The following MUCL3 variants were observed in gnomAD, a reference collection of about 807,000 sequenced individuals.
The protein encoded by MUCL3 is mucin like 3.
In MUCL3, 42 loss-of-function variants were observed where a neutral mutation model predicts 70.2. The observed-to-expected ratio is 0.60, with a 90% CI of 0.47 to 0.77. The LOEUF is 0.77. Ranked by LOEUF, MUCL3 falls within the 30% of genes least tolerant of loss-of-function variation. MUCL3 has a pLI of 0.00. For synonymous variants in MUCL3, 522 were observed against 647.0 expected, an observed-to-expected ratio of 0.81 and a Z score of 2.93; for missense variants, 1,429 against 1,670.0, an observed-to-expected ratio of 0.86 and a Z score of 2.52.
intron 1 of MUCL3, among the ~76,000 whole-genome samples, chr6:30,945,473 TA>T (rs11441516): frequency 1.5e-3 from 175 of 114,128 alleles, no homozygotes; most frequent in Admixed American, 2.0e-3. Context: ...CCCTGCGTCT[TA>T]AAAAAAAAAA....
In MUCL3 at chr6:30,948,511, G is replaced by A. The variant is rs1313398942; in HGVS notation, c.83-36G>A. 2.8e-6 allele frequency: 4 copies of A among 1,449,706 alleles called. No individual in the cohort carries two copies. In the African/African-American group the frequency reaches 5.8e-5, roughly 21 times the overall value. The allele number at this position is 1,449,706 out of a possible 1,614,324, so 89.8% of individuals were successfully genotyped here. A position where few individuals can be genotyped will look rare whatever the true frequency, so the allele number is the denominator to read the frequency against. The stretch of plus-strand genomic sequence containing the variant: ...GGAAGGGGGAGTTGGAGAAGAACAT[G>A]GGGGAAGTTTCTTATTTGCCTCTCT... On this transcript the variant is annotated intron_variant, in intron 1 of 2. Transcript: ENST00000462446.
intron 1 of MUCL3, among the ~76,000 whole-genome samples, chr6:30,945,207 A>G (rs1437661477): frequency 6.6e-6 from 1 of 152,234 alleles, no homozygotes; most frequent in Non-Finnish European, 1.5e-5. Context: ...TGTTGTTGGC[A>G]AGGCTTTTAA....
At chr6:30,948,444 T>G in intron 1 of MUCL3, 103 bp from the exon 2 acceptor site, 2 of 877,924 alleles carry the variant, frequency 2.3e-6, no homozygotes, top group South Asian at 1.9e-5. Context: ...GGCTGGGGAG[T>G]CATATCAGGG....
In MUCL3 at chr6:30,952,028, G is replaced by A. The variant is rs763594278; in HGVS notation, c.3564G>A (p.Thr1188=). 4.4e-6 allele frequency: 7 copies of A among 1,607,982 alleles called. No homozygotes were observed. Among genetic ancestry groups the A allele is most frequent in the Admixed American group, 3.4e-5 (2 of 59,034 alleles). The change falls in exon 2 of 3, where the codon ACG becomes ACA. Residue 1188 remains threonine (T), a synonymous_variant. Coordinates refer to ENST00000462446, the MANE Select transcript of MUCL3 (RefSeq NM_080870.4). ...CCACAAGAACCCCAGAAAAGCCTAC[G>A]CTATACTCAGAGAAGACCATATGCA... ...EKTTRTPEKP[T]LYSEKTICTK...
intron 1 of MUCL3, among the ~76,000 whole-genome samples, chr6:30,944,235 TTTC>T (rs1325338144): frequency 1.3e-5 from 2 of 151,944 alleles, no homozygotes; most frequent in East Asian, 1.9e-4. Flanking sequence ...CTTCCTTTTC[TTTC>T]TTTTCTTCCT....
rs1004917323 is a variant in MUCL3 at position 30,951,120 on chromosome 6, A to G, written c.2656A>G (p.Thr886Ala). 8 of 1,550,932 alleles carry G rather than the reference A, an allele frequency of 5.2e-6. No individual in the cohort carries two copies. The South Asian group carries it at 9.5e-5, about 18-fold the overall frequency. ...PAEPTEHEEM[T>A]PLANEKTTLS... ...AGAGCCTACAGAACATGAAGAAATGACCCCATTGGCCAATGAGAAGACCAC... is the reference window on the plus strand; with the variant it reads ...AGAGCCTACAGAACATGAAGAAATGGCCCCATTGGCCAATGAGAAGACCAC... The change falls in exon 2 of 3, where the codon ACC becomes GCC. Residue 886 changes from threonine to alanine, a missense_variant. Coordinates refer to ENST00000462446, the MANE Select transcript of MUCL3 (RefSeq NM_080870.4).
At chr6:30,952,542 G>C (rs763595601) in intron 2 of MUCL3, 43 bp downstream of exon 2, 2 of 1,534,396 alleles carry the variant, frequency 1.3e-6, no homozygotes, top group East Asian at 2.3e-5. Context: ...CTATGGGATA[G>C]GGAATTGAGG....
In MUCL3 at chr6:30,948,963, A is replaced by C. The variant is rs1212609350; in HGVS notation, c.499A>C (p.Asn167His). 1 of 1,551,392 alleles carries C rather than the reference A, an allele frequency of 6.4e-7. No individual in the cohort carries two copies. Among genetic ancestry groups the C allele is most frequent in the Non-Finnish European group, 8.7e-7 (1 of 1,146,904 alleles). ...HITPAPKSKI[N>H]CRKSTTGKST... is the part of the protein sequence containing the mutation. ...AACGCCAGCACCCAAGAGCAAAATA[A>C]ACTGTCGTAAGTCCACAACAGGCAA... Residue 167 changes from asparagine to histidine, a missense_variant, in exon 2 of 3, where the codon AAC (asparagine) becomes CAC (histidine). Asn to His is a moderately conservative substitution (Grantham distance 68, BLOSUM62 1). Transcript: ENST00000462446.
Position 30,949,642 on chromosome 6 carries a change from C to A in MUCL3, c.1178C>A (p.Thr393Lys). 1 of 1,547,544 alleles carries A rather than the reference C, an allele frequency of 6.5e-7. No homozygotes were observed. Among genetic ancestry groups the A allele is most frequent in the Non-Finnish European group, 8.7e-7 (1 of 1,145,022 alleles). The change falls in exon 2 of 3, where the codon ACA becomes AAA. Residue 393 changes from threonine to lysine, a missense_variant. Coordinates refer to ENST00000462446, the MANE Select transcript of MUCL3 (RefSeq NM_080870.4). Reference protein sequence around the residue: ...HGERTANENTTPSPAEPTEHG... With the variant: ...HGERTANENTKPSPAEPTEHG... ...GAAAGGACAGCCAATGAGAACACTA[C>A]ACCATCCCCAGCAGAGCCTACAGAA...
At chr6:30,948,508 C>T in intron 1 of MUCL3, 39 bp from the exon 2 acceptor site, 1 of 1,441,490 alleles carries the variant, frequency 6.9e-7, no homozygotes. Context: ...TGGAGAAGAA[C>T]ATGGGGGAAG....
chr6:30,945,745 G>A (rs1437495667), intron 1 of MUCL3, among the ~76,000 whole-genome samples: 1 of 152,166 alleles, frequency 6.6e-6, no homozygotes, highest in Non-Finnish European at 1.5e-5. Context: ...ATGAGGTCAG[G>A]AGATCGAGAC....
chr6:30,951,119 G>A lies in MUCL3; in HGVS notation c.2655G>A (p.Met885Ile). The A allele has an allele frequency of 6.5e-7, 1 of 1,549,490 alleles. No homozygotes were observed. The highest frequency in any genetic ancestry group is 8.7e-7 in the Non-Finnish European group (1 of 1,146,726). The change falls in exon 2 of 3, where the codon ATG becomes ATA. Residue 885 changes from methionine (M) to isoleucine (I), a missense_variant. Met to Ile is a conservative substitution (Grantham distance 10, BLOSUM62 1). Coordinates refer to ENST00000462446, the MANE Select transcript of MUCL3 (RefSeq NM_080870.4). ...CAGAGCCTACAGAACATGAAGAAATGACCCCATTGGCCAATGAGAAGACCA... is the reference window on the plus strand; with the variant it reads ...CAGAGCCTACAGAACATGAAGAAATAACCCCATTGGCCAATGAGAAGACCA... ...SPAEPTEHEEMTPLANEKTTL... is the reference protein window; with the variant it reads ...SPAEPTEHEEITPLANEKTTL...
rs1248778343 is a variant in MUCL3 at position 30,951,505 on chromosome 6, C to T, written c.3041C>T (p.Thr1014Ile). The change falls in exon 2 of 3, where the codon ACA becomes ATA. Residue 1014 changes from threonine (T) to isoleucine (I), a missense_variant. Physicochemically the swap from Thr to Ile is moderately conservative, Grantham distance 89 (BLOSUM62 -1). Coordinates refer to ENST00000462446, the MANE Select transcript of MUCL3 (RefSeq NM_080870.4). Reference protein sequence around the residue: ...HGERTANEKTTPSPAEPTEHG... With the variant: ...HGERTANEKTIPSPAEPTEHG... ...GAAAGGACAGCCAATGAGAAGACCA[C>T]ACCATCCCCAGCAGAGCCTACAGAA... is the stretch of plus-strand genomic sequence containing the variant. 2.8e-5 allele frequency: 44 copies of T among 1,551,866 alleles called. No individual in the cohort carries two copies. The highest frequency in any genetic ancestry group is 3.6e-5 in the Non-Finnish European group (41 of 1,147,062).
rs1359473609 is a variant in MUCL3, at chr6:30,953,043, G to A, written c.4108G>A (p.Gly1370Ser). 6.2e-7 allele frequency: 1 copy of A among 1,614,240 alleles called. No homozygotes were observed. Among genetic ancestry groups the A allele is most frequent in the South Asian group, 1.1e-5 (1 of 91,088 alleles). ...GTACAATGATGCAGAGGATGAGGGT[G>A]GCCCCAATTCCTACCCGGTCTACCT... ...TQYNDAEDEGGPNSYPVYLME... is the reference protein window; with the variant it reads ...TQYNDAEDEGSPNSYPVYLME... Residue 1370 changes from glycine (G) to serine (S), a missense_variant, in exon 3 of 3, where the codon GGC becomes AGC. Gly to Ser is a moderately conservative substitution (Grantham distance 56). Transcript: ENST00000462446.
Position 30,948,321 on chromosome 6 carries a change from G to A in MUCL3, c.83-226G>A, listed in dbSNP as rs188131861. Among the ~76,000 whole-genome samples the A allele has an allele frequency of 5.9e-5, 9 of 152,348 alleles. No individual in the cohort carries two copies. The East Asian group carries it at 1.7e-3, about 29-fold the overall frequency. On this transcript the variant is annotated intron_variant, in intron 1 of 2. Transcript: ENST00000462446. The stretch of plus-strand genomic sequence containing the variant: ...TAAAGCCAGAAGGCCTTGAGATGGA[G>A]AGTTGAGGAGATGTGGAAGGGGATG...
In MUCL3 at chr6:30,953,311, G is replaced by A. The variant is rs1760810134; in HGVS notation, c.*194G>A. Reference sequence around the variant, plus strand: ...TAAGCAAGGAGGGTGTAAGTTTAGGGGACAAAGAAGAAAGAATGAATAATA... The same window carrying A: ...TAAGCAAGGAGGGTGTAAGTTTAGGAGACAAAGAAGAAAGAATGAATAATA... On this transcript the variant is annotated 3_prime_UTR_variant, in exon 3 of 3. Coordinates refer to ENST00000462446, the MANE Select transcript of MUCL3 (RefSeq NM_080870.4). The A allele has an allele frequency of 2.8e-6, 2 of 718,444 alleles. No homozygotes were observed. The highest frequency in any genetic ancestry group is 2.2e-6 in the Non-Finnish European group (1 of 447,780). The allele number at this position is 718,444 out of a possible 1,614,324, so 44.5% of individuals were successfully genotyped here. A position where few individuals can be genotyped will look rare whatever the true frequency, so the allele number is the denominator to read the frequency against.
Position 30,950,722 on chromosome 6 carries a change from C to T in MUCL3, c.2258C>T (p.Thr753Ile), listed in dbSNP as rs1291256967. Residue 753 changes from threonine to isoleucine, a missense_variant, in exon 2 of 3, where the codon ACA becomes ATA. Transcript: ENST00000462446. Reference sequence around the variant, plus strand: ...GAAAGGACAGCCAATGAGAACACCACACCATCCCCAGCACAGCCTACAGAA... The same window carrying T: ...GAAAGGACAGCCAATGAGAACACCATACCATCCCCAGCACAGCCTACAGAA... Reference protein sequence around the residue: ...NRERTANENTTPSPAQPTENG... With the variant: ...NRERTANENTIPSPAQPTENG... The T allele has an allele frequency of 3.2e-6, 5 of 1,549,730 alleles. No individual in the cohort carries two copies. The African/African-American group carries it at 4.2e-5, about 13-fold the overall frequency.
chr6:30,947,890 C>A (rs1002748793), intron 1 of MUCL3, among the ~76,000 whole-genome samples: 2 of 152,154 alleles, frequency 1.3e-5, no homozygotes, highest in East Asian at 3.9e-4. Flanking sequence ...TCTTCTTATA[C>A]ATCTCTCACT....
rs150846286 is a variant in MUCL3 at position 30,952,215 on chromosome 6, G to A, written c.3751G>A (p.Asp1251Asn). The part of the protein sequence containing the change: ...TIKPSVKVTG[D>N]KSLTTTSSHL... ...AAAACCTTCAGTCAAGGTCACAGGA[G>A]ACAAATCTCTCACTACTACCTCTTC... is the stretch of plus-strand genomic sequence containing the variant. Residue 1251 changes from aspartate (D) to asparagine (N), a missense_variant, in exon 2 of 3, where the codon GAC (aspartate) becomes AAC (asparagine). Coordinates refer to ENST00000462446, the MANE Select transcript of MUCL3 (RefSeq NM_080870.4). The A allele has an allele frequency of 2.5e-5, 41 of 1,613,932 alleles. No individual in the cohort carries two copies. The African/African-American group carries it at 4.9e-4, about 19-fold the overall frequency.
Sources: gnomAD v4.1 joint callset for allele counts (sites outside exome capture counted in the v4.1 genomes callset) on GRCh38, gnomAD v4.1.1 for gene constraint, MANE v1.5 for transcripts, NCBI Gene and HGNC (gene_info 2026-07-23, HGNC 2026-07-21) for gene names.